The following ANTXR1 variants were observed in gnomAD, a reference collection of about 807,000 sequenced individuals.
ANTXR1 encodes the protein ANTXR cell adhesion molecule 1.
In ANTXR1, 19 loss-of-function variants were observed where a neutral mutation model predicts 78.1. The observed-to-expected ratio is 0.24, with a 90% CI of 0.17 to 0.36. The LOEUF (loss-of-function observed/expected upper bound fraction) is 0.36, where lower values mean the gene tolerates loss of function less well. ANTXR1 is among the 10% of genes least tolerant of loss of function. The probability of loss-of-function intolerance (pLI) is 1.00; values close to 1 mark genes in which losing one functional copy is unlikely to be tolerated. For synonymous variants in ANTXR1, 273 were observed against 260.5 expected, an observed-to-expected ratio of 1.05 and a Z score of -0.46; for missense variants, 518 against 718.6, an observed-to-expected ratio of 0.72 and a Z score of 3.19.
At chr2:69,148,375 G>A (rs1386401029) in intron 12 of ANTXR1, among the ~76,000 whole-genome samples, 5 of 152,152 alleles carry the variant, frequency 3.3e-5, no homozygotes, top group Non-Finnish European at 4.4e-5. Context: ...TCACCTCCTC[G>A]GTGAAGTGCT....
chr2:69,112,547 T>C (rs1672022768), intron 10 of ANTXR1, among the ~76,000 whole-genome samples: 2 of 152,214 alleles, frequency 1.3e-5, no homozygotes, highest in South Asian at 4.1e-4. Context: ...ATGTAACTCC[T>C]TGCCAAAGGT....
At chr2:69,019,329 T>C (rs1671114493) in intron 1 of ANTXR1, among the ~76,000 whole-genome samples, 1 of 152,232 alleles carries the variant, frequency 6.6e-6, no homozygotes, top group Non-Finnish European at 1.5e-5. Flanking sequence ...ATTTTGGTTA[T>C]TGTAATGGGA....
chr2:69,047,671 TG>T (rs1490125453), intron 3 of ANTXR1, among the ~76,000 whole-genome samples: 2 of 152,060 alleles, frequency 1.3e-5, no homozygotes, highest in African/African-American at 4.8e-5. Context: ...CATGGTAGTG[TG>T]GGTCATTTCT....
chr2:69,171,566 CTTG>C (rs1673986269), intron 14 of ANTXR1, among the ~76,000 whole-genome samples: 1 of 152,200 alleles, frequency 6.6e-6, no homozygotes, highest in South Asian at 2.1e-4. Flanking sequence ...CATTCCCTCC[CTTG>C]TTGTGTTCAG....
intron 12 of ANTXR1, among the ~76,000 whole-genome samples, chr2:69,126,186 A>G (rs868133753): frequency 1.3e-5 from 2 of 152,172 alleles, no homozygotes; most frequent in African/African-American, 4.8e-5. Context: ...TCTCCCTCCT[A>G]ATGCCCCCAA....
chr2:69,162,721 T>A (rs6730924), intron 13 of ANTXR1, among the ~76,000 whole-genome samples: 4,820 of 152,198 alleles, frequency 0.032, 225 homozygotes, highest in African/African-American at 0.11. Context: ...CTTTGCTCTG[T>A]CCAAAGTTAA....
At chr2:69,180,781 T>C (rs1674254638) in intron 14 of ANTXR1, among the ~76,000 whole-genome samples, 2 of 152,164 alleles carry the variant, frequency 1.3e-5, no homozygotes, top group South Asian at 4.1e-4. Flanking sequence ...TATCAAGCCA[T>C]GATGAGATCC....
At chr2:69,013,158 C>A, upstream of ANTXR1, 1 of 123,276 alleles carries the variant, frequency 8.1e-6, no homozygotes, top group Non-Finnish European at 1.6e-5. The surrounding 1 kb of genome is among the most constrained non-coding windows in gnomAD (Gnocchi z 5.0). Context: ...TATTTAAAAT[C>A]TGGGACAAAG....
At chr2:69,046,936 T>C (rs898555517) in intron 3 of ANTXR1, among the ~76,000 whole-genome samples, 4 of 152,200 alleles carry the variant, frequency 2.6e-5, no homozygotes, top group Non-Finnish European at 4.4e-5. Flanking sequence ...AAGACTTTCA[T>C]TTCAGCAAAA....
At chr2:69,140,291 A>G (rs1673034165) in intron 12 of ANTXR1, among the ~76,000 whole-genome samples, 1 of 152,224 alleles carries the variant, frequency 6.6e-6, no homozygotes, top group African/African-American at 2.4e-5. Flanking sequence ...TATAAGGCAT[A>G]AAGTAATAAG....
chr2:69,119,222 G>T (rs1672259675), intron 10 of ANTXR1, among the ~76,000 whole-genome samples: 1 of 152,226 alleles, frequency 6.6e-6, no homozygotes, highest in East Asian at 1.9e-4. Flanking sequence ...TAACCCAGGA[G>T]CAGGGCATGC....
At chr2:69,236,195 C>CA (rs1358319376) in intron 17 of ANTXR1, among the ~76,000 whole-genome samples, 1 of 151,886 alleles carries the variant, frequency 6.6e-6, no homozygotes, top group Non-Finnish European at 1.5e-5. Context: ...AGAGCTCTTA[C>CA]AAATCAGTAA....
chr2:69,246,833 T>C lies in ANTXR1; in HGVS notation c.*1348T>C, dbSNP rs1676033256. On this transcript the variant is annotated 3_prime_UTR_variant, in exon 18 of 18. Transcript: ENST00000303714. ...ACAGAGATCATTGTCTTGGACCTCC[T>C]GCATCAGCCTATTCAAAATTATCTC... 1 of 152,244 alleles carries C rather than the reference T, an allele frequency of 6.6e-6. No homozygotes were observed. Among genetic ancestry groups the C allele is most frequent in the Non-Finnish European group, 1.5e-5 (1 of 68,036 alleles). The allele number at this position is 152,244 out of a possible 1,614,324, so 9.4% of individuals were successfully genotyped here.
In ANTXR1 at chr2:69,244,113, G is replaced by A. The variant is rs559697588; in HGVS notation, c.1435-1112G>A. ...CCTGAGTACCAGATGAGACTAGTGG[G>A]TATCTACTGGGGGACAGAGAAAGCA... is the stretch of plus-strand genomic sequence containing the variant. On this transcript the variant is annotated intron_variant, in intron 17 of 17. Coordinates refer to ENST00000303714, the MANE Select transcript of ANTXR1 (RefSeq NM_032208.3). Among the ~76,000 whole-genome samples, 4 of 152,346 alleles carry A rather than the reference G, an allele frequency of 2.6e-5. No individual in the cohort carries two copies. In the East Asian group the frequency reaches 7.7e-4, roughly 29 times the overall value.
At chr2:69,245,188 G>T (rs773744759) in intron 17 of ANTXR1, 37 bp from the exon 18 acceptor site, 1 of 1,613,330 alleles carries the variant, frequency 6.2e-7, no homozygotes, top group East Asian at 2.2e-5. Flanking sequence ...ATGTGAGGCC[G>T]TCCGCTCACG....
chr2:69,040,742 T>A (rs1029236146), intron 2 of ANTXR1, among the ~76,000 whole-genome samples: 3 of 152,210 alleles, frequency 2.0e-5, no homozygotes, highest in Admixed American at 2.0e-4. Context: ...TTCACCCCAC[T>A]GTGTGCAGCC....
intron 1 of ANTXR1, among the ~76,000 whole-genome samples, chr2:69,033,774 G>C (rs1248520191): frequency 6.6e-6 from 1 of 152,198 alleles, no homozygotes; most frequent in African/African-American, 2.4e-5. Flanking sequence ...CTTGGTGATG[G>C]TTCCAACTGC....
chr2:69,215,251 G>T (rs559604241), intron 17 of ANTXR1, among the ~76,000 whole-genome samples: 21 of 152,294 alleles, frequency 1.4e-4, no homozygotes, highest in Non-Finnish European at 2.9e-4. Flanking sequence ...TACTGGAAGG[G>T]TCTCTGGAGA....
intron 9 of ANTXR1, among the ~76,000 whole-genome samples, chr2:69,102,632 GA>G (rs1319340533): frequency 6.6e-6 from 1 of 152,230 alleles, no homozygotes; most frequent in Non-Finnish European, 1.5e-5. Context: ...ATTCAAATAA[GA>G]AGTGATAGGC....
Sources: allele counts gnomAD v4.1 joint callset (sites outside exome capture counted in the v4.1 genomes callset), GRCh38; gene constraint gnomAD v4.1.1; non-coding constraint Gnocchi (gnomAD v3.1); transcripts MANE v1.5; gene names NCBI Gene and HGNC (gene_info 2026-07-23, HGNC 2026-07-21).